Variants in AOPEP observed in about 807,000 individuals in gnomAD.
AOPEP encodes aminopeptidase O (putative).
In AOPEP, 77 loss-of-function variants were observed where a neutral mutation model predicts 98.1. That is an observed-to-expected ratio of 0.78 (90% CI 0.65 to 0.95). AOPEP has a LOEUF of 0.95. AOPEP is among the 40% of genes least tolerant of loss of function. The probability of loss-of-function intolerance (pLI) is 0.00; values close to 1 mark genes in which losing one functional copy is unlikely to be tolerated. For synonymous variants in AOPEP, 346 were observed against 365.3 expected (o/e 0.95, Z 0.60); for missense variants, 1,024 against 1,024.7 (o/e 1.00, Z 0.01).
chr9:94,957,310 T>C (rs4743974), intron 9 of AOPEP, among the ~76,000 whole-genome samples: 87,208 of 151,994 alleles, frequency 0.57, 25,718 homozygotes, highest in African/African-American at 0.72. Flanking sequence ...CAGATTCAAG[T>C]GATTCTCCCG....
At chr9:95,037,255 T>C (rs1179704998) in intron 13 of AOPEP, among the ~76,000 whole-genome samples, 1 of 152,226 alleles carries the variant, frequency 6.6e-6, no homozygotes, top group Non-Finnish European at 1.5e-5. Context: ...TGGTTTTCCT[T>C]TATCAATCCC....
chr9:95,082,752 T>C (rs1480119703), intron 16 of AOPEP, 33 bp downstream of exon 16: 1 of 1,611,260 alleles, frequency 6.2e-7, no homozygotes, highest in Admixed American at 1.7e-5. Context: ...TGTCATTTAG[T>C]TCTAACCAGA....
intron 13 of AOPEP, among the ~76,000 whole-genome samples, chr9:95,018,027 C>T (rs2063152062): frequency 6.6e-6 from 1 of 152,180 alleles, no homozygotes; most frequent in Non-Finnish European, 1.5e-5. Context: ...GATCCACTTA[C>T]TGGTTATGAG....
chr9:94,780,469 C>T (rs1163695719), intron 3 of AOPEP, among the ~76,000 whole-genome samples: 1 of 152,114 alleles, frequency 6.6e-6, no homozygotes, highest in Non-Finnish European at 1.5e-5. Flanking sequence ...CAATCTTTGC[C>T]AGTTCAAGCT....
chr9:94,896,714 G>T lies in AOPEP; in HGVS notation c.1365-27272G>T, dbSNP rs201664336. On this transcript the variant is annotated intron_variant, in intron 5 of 16. Transcript: ENST00000375315. ...ACCATTACACCTTAAAACTGTCAAG[G>T]TCATCAAAATCTAGGAATGTCTGAG... 2.6e-5 allele frequency among the ~76,000 whole-genome samples: 4 copies of T among 152,144 alleles called. No individual in the cohort carries two copies. In the East Asian group the frequency reaches 7.7e-4, roughly 29 times the overall value.
downstream of AOPEP, among the ~76,000 whole-genome samples, chr9:95,089,736 C>T (rs544719679): frequency 1.4e-4 from 22 of 152,302 alleles, no homozygotes; most frequent in South Asian, 6.2e-4. Context: ...AACTTGAATC[C>T]GCCAGTTAAG....
chr9:95,136,545 G>T, the AOPEP span, among the ~76,000 whole-genome samples: 1 of 151,850 alleles, frequency 6.6e-6, no homozygotes, highest in Non-Finnish European at 1.5e-5. Context: ...AGAGTGCAAT[G>T]GTGTGATCAA....
At chr9:94,772,598 G>T (rs1841136260) in intron 2 of AOPEP, among the ~76,000 whole-genome samples, 1 of 152,164 alleles carries the variant, frequency 6.6e-6, no homozygotes, top group African/African-American at 2.4e-5. Context: ...TAATATCTCA[G>T]TGATCTCCAA....
chr9:94,959,121 G>A (rs2138076424), intron 9 of AOPEP, among the ~76,000 whole-genome samples: 1 of 152,026 alleles, frequency 6.6e-6, no homozygotes, highest in African/African-American at 2.4e-5. Context: ...TCGGCTCACT[G>A]CAAGCTCCGC....
chr9:94,772,251 G>A (rs10123264), intron 2 of AOPEP, among the ~76,000 whole-genome samples: 1,906 of 152,298 alleles, frequency 0.013, 43 homozygotes, highest in African/African-American at 0.043. Context: ...TGGACCCTTT[G>A]ATCTTGAGAA....
intron 5 of AOPEP, among the ~76,000 whole-genome samples, chr9:94,878,570 G>A (rs908425926): frequency 1.3e-5 from 2 of 151,982 alleles, no homozygotes; most frequent in Non-Finnish European, 2.9e-5. Context: ...AAAACCTTGC[G>A]TTATTTAGTC....
chr9:94,788,340 A>T (rs146703177), intron 3 of AOPEP, among the ~76,000 whole-genome samples: 1 of 152,274 alleles, frequency 6.6e-6, no homozygotes, highest in African/African-American at 2.4e-5. Flanking sequence ...AGGCCTCCCA[A>T]AGTGCTAGGA....
intron 14 of AOPEP, among the ~76,000 whole-genome samples, chr9:95,067,143 G>C (rs2067989516): frequency 6.6e-6 from 1 of 152,116 alleles, no homozygotes; most frequent in Non-Finnish European, 1.5e-5. Flanking sequence ...CTCTAGAACT[G>C]TGGCACACCA....
intron 7 of AOPEP, chr9:94,935,391 A>T (rs1183428107): frequency 6.6e-6 from 1 of 152,240 alleles, no homozygotes; most frequent in Non-Finnish European, 1.5e-5. Context: ...GCAATTCAGG[A>T]ACAGACTAAT....
intron 2 of AOPEP, among the ~76,000 whole-genome samples, chr9:94,762,073 GCAAA>G (rs1173637131): frequency 8.5e-5 from 13 of 152,182 alleles, no homozygotes; most frequent in African/African-American, 3.1e-4. Flanking sequence ...AGTGCTTACT[GCAAA>G]CAAAGAGATT....
In AOPEP at chr9:94,890,271, C is replaced by T. The variant is rs373268519; in HGVS notation, c.1365-33715C>T. ...AGGCTGGAGCGCAGTGGCATGATCTCGGCTAACTGCAACCTCCGCCTCCTG... is the reference window on the plus strand; with the variant it reads ...AGGCTGGAGCGCAGTGGCATGATCTTGGCTAACTGCAACCTCCGCCTCCTG... On this transcript the variant is annotated intron_variant, in intron 5 of 16. Coordinates refer to ENST00000375315, the MANE Select transcript of AOPEP (RefSeq NM_001193329.3). Among the ~76,000 whole-genome samples, 373 of 151,622 alleles carry T rather than the reference C, an allele frequency of 2.5e-3. 2 individuals are homozygous for T. Among genetic ancestry groups the T allele is most frequent in the South Asian group, 0.018 (86 of 4,772 alleles).
At position 95,005,595 on chromosome 9, in the gene AOPEP, G is replaced by A. The variant is rs1459492920; in HGVS notation, c.2094G>A (p.Glu698=). ...GACCCCGAAAACGGAAGCGCAGGGAGAAGGAAGAGGTGTTTGAAAAGGTAG... is the reference window on the plus strand; with the variant it reads ...GACCCCGAAAACGGAAGCGCAGGGAAAAGGAAGAGGTGTTTGAAAAGGTAG... The part of the protein sequence containing the change: ...NRRPRKRKRR[E]KEEVFEKLLP... The change falls in exon 13 of 17, where the codon GAG becomes GAA. Residue 698 remains glutamate, a synonymous_variant. Transcript: ENST00000375315. 1.9e-6 allele frequency: 3 copies of A among 1,614,066 alleles called. No individual in the cohort carries two copies. Among genetic ancestry groups the A allele is most frequent in the Non-Finnish European group, 2.5e-6 (3 of 1,179,952 alleles).
At chr9:94,932,714 C>T (rs958667356) in intron 7 of AOPEP, 24 of 731,682 alleles carry the variant, frequency 3.3e-5, no homozygotes, top group Non-Finnish European at 3.8e-5. Flanking sequence ...AAACTCCTAA[C>T]CTCAAGTGAT....
At chr9:95,031,881 C>T (rs2133377887) in intron 13 of AOPEP, among the ~76,000 whole-genome samples, 1 of 152,282 alleles carries the variant, frequency 6.6e-6, no homozygotes, top group Admixed American at 6.5e-5. Flanking sequence ...CCATGTGCCA[C>T]AACTGAGGGG....
Sources: allele counts gnomAD v4.1 joint callset (sites outside exome capture counted in the v4.1 genomes callset), GRCh38; gene constraint gnomAD v4.1.1; transcripts MANE v1.5; gene names NCBI Gene and HGNC (gene_info 2026-07-23, HGNC 2026-07-21).